Variants in SH3RF2 observed in about 807,000 individuals in gnomAD.
SH3RF2 encodes the protein SH3 domain containing ring finger 2, also known as E3 ubiquitin-protein ligase SH3RF2.
SH3RF2 carries 43 observed loss-of-function variants against 59.0 expected under a neutral mutation model. The observed-to-expected ratio is 0.73, with a 90% CI of 0.57 to 0.94. SH3RF2 has a LOEUF of 0.94. Among genes scored for constraint, SH3RF2 ranks in the 40% least tolerant of loss-of-function variants. The probability of loss-of-function intolerance (pLI) is 0.00; values close to 1 mark genes in which losing one functional copy is unlikely to be tolerated. For synonymous variants in SH3RF2, 391 were observed against 391.5 expected (o/e 1.00, Z 0.01); for missense variants, 930 against 940.1 (o/e 0.99, Z 0.14).
At chr5:146,002,118 A>T (rs10477295) in intron 3 of SH3RF2, among the ~76,000 whole-genome samples, 10,060 of 152,270 alleles carry the variant, frequency 0.066, 1,091 homozygotes, top group African/African-American at 0.23. Context: ...GGCCCTGCAC[A>T]CATGAAGTTT....
At chr5:146,024,213 G>C (rs6580402) in intron 5 of SH3RF2, among the ~76,000 whole-genome samples, 48,962 of 151,992 alleles carry the variant, frequency 0.32, 8,578 homozygotes, top group Non-Finnish European at 0.39. Flanking sequence ...TATGCAGGTT[G>C]CAATTTCCCC....
chr5:145,937,874 G>A lies in SH3RF2; in HGVS notation c.-55G>A, dbSNP rs1203770800. The stretch of plus-strand genomic sequence containing the variant: ...CCAGCTCTGCCCCCGTGGCTCAACT[G>A]ACCCTACCATGTGGACGCTGCTCCT... On this transcript the variant is annotated 5_prime_UTR_variant, in exon 2 of 10. Coordinates refer to ENST00000359120, the MANE Select transcript of SH3RF2 (RefSeq NM_152550.4). 4.5e-6 allele frequency: 7 copies of A among 1,562,904 alleles called. No homozygotes were observed. The highest frequency in any genetic ancestry group is 6.1e-6 in the Non-Finnish European group (7 of 1,156,116).
At chr5:146,050,030 C>A (rs1762441455) in intron 7 of SH3RF2, 1 of 152,266 alleles carries the variant, frequency 6.6e-6, no homozygotes, top group African/African-American at 2.4e-5. Flanking sequence ...GGGAAAGAGC[C>A]CCATTGTATT....
At chr5:146,073,016 C>T (rs1160955775) in intron 9 of SH3RF2, among the ~76,000 whole-genome samples, 2 of 152,148 alleles carry the variant, frequency 1.3e-5, no homozygotes, top group Admixed American at 6.5e-5. Context: ...TCATTATTTA[C>T]ATTCATTTTC....
intron 2 of SH3RF2, among the ~76,000 whole-genome samples, chr5:145,981,987 C>A (rs1404911616): frequency 6.6e-6 from 1 of 152,212 alleles, no homozygotes; most frequent in Non-Finnish European, 1.5e-5. Flanking sequence ...GTCTATATTG[C>A]AGGCTTACAT....
chr5:145,962,916 G>A (rs1190091709), intron 2 of SH3RF2, among the ~76,000 whole-genome samples: 1 of 86,688 alleles, frequency 1.2e-5, no homozygotes, highest in Non-Finnish European at 1.9e-5. Flanking sequence ...TTTTTTTTTA[G>A]AGACGGAGTC....
intron 2 of SH3RF2, among the ~76,000 whole-genome samples, chr5:145,961,191 T>C (rs1370910167): frequency 6.8e-6 from 1 of 147,798 alleles, no homozygotes; most frequent in Non-Finnish European, 1.5e-5. Context: ...TTTTTTTTTT[T>C]TTTTTTTGCC....
intron 2 of SH3RF2, among the ~76,000 whole-genome samples, chr5:145,950,899 G>A (rs1280682286): frequency 6.6e-6 from 1 of 152,186 alleles, no homozygotes; most frequent in African/African-American, 2.4e-5. Flanking sequence ...TCCTGTCTTA[G>A]CTGAAAACCA....
intron 2 of SH3RF2, among the ~76,000 whole-genome samples, chr5:145,955,127 TCAGTAA>T (rs1758343099): frequency 6.6e-6 from 1 of 152,052 alleles, no homozygotes; most frequent in South Asian, 2.1e-4. Context: ...ACAAACTATA[TCAGTAA>T]CGAAGGGGGT....
chr5:145,949,386 T>C (rs893825684), intron 2 of SH3RF2, among the ~76,000 whole-genome samples: 2 of 152,334 alleles, frequency 1.3e-5, no homozygotes, highest in Admixed American at 1.3e-4. Context: ...AGAGCAGGAA[T>C]AGAACTCTGC....
intron 5 of SH3RF2, among the ~76,000 whole-genome samples, chr5:146,025,324 T>C (rs1341633509): frequency 6.6e-6 from 1 of 152,264 alleles, no homozygotes; most frequent in Non-Finnish European, 1.5e-5. Context: ...CACTGCCAGC[T>C]GGGCTAATCT....
intron 2 of SH3RF2, among the ~76,000 whole-genome samples, chr5:145,945,760 T>G (rs1757985886): frequency 6.6e-6 from 1 of 152,138 alleles, no homozygotes; most frequent in Non-Finnish European, 1.5e-5. Context: ...AAGACGCATG[T>G]CAAGCATTCT....
At chr5:146,010,156 G>A (rs1423767979) in intron 4 of SH3RF2, among the ~76,000 whole-genome samples, 2 of 151,890 alleles carry the variant, frequency 1.3e-5, no homozygotes, top group Non-Finnish European at 1.5e-5. Context: ...GCGATAGTTT[G>A]CTGAGAATGA....
At chr5:146,051,213 G>T (rs1004801284) in intron 7 of SH3RF2, among the ~76,000 whole-genome samples, 2 of 152,174 alleles carry the variant, frequency 1.3e-5, no homozygotes, top group African/African-American at 4.8e-5. Context: ...AAGCAAGGGG[G>T]ATATTAGAAA....
intron 3 of SH3RF2, 75 bp from the exon 4 acceptor site, chr5:146,003,983 C>T: frequency 7.8e-7 from 1 of 1,279,530 alleles, no homozygotes; most frequent in Non-Finnish European, 1.1e-6. Flanking sequence ...TCTGAGACTC[C>T]AAACTGATCT....
At chr5:146,013,142 T>C (rs1351404891) in intron 4 of SH3RF2, among the ~76,000 whole-genome samples, 2 of 152,174 alleles carry the variant, frequency 1.3e-5, no homozygotes, top group Non-Finnish European at 2.9e-5. Flanking sequence ...ACTTATGAAA[T>C]GTATAAACTT....
Position 146,004,084 on chromosome 5 carries a change from A to T in SH3RF2, c.675A>T (p.Arg225=). The change falls in exon 4 of 10, where the codon CGA becomes CGT. Residue 225 remains arginine, a synonymous_variant. Coordinates refer to ENST00000359120, the MANE Select transcript of SH3RF2 (RefSeq NM_152550.4). The part of the protein sequence containing the change: ...LKDDIITVIS[R]VDENWAEGKL... Reference sequence around the variant, plus strand: ...ACGATATCATCACTGTGATCAGCCGAGTGGATGAGAACTGGGCAGAAGGCA... The same window carrying T: ...ACGATATCATCACTGTGATCAGCCGTGTGGATGAGAACTGGGCAGAAGGCA... The T allele has an allele frequency of 6.2e-7, 1 of 1,613,024 alleles. No homozygotes were observed. Among genetic ancestry groups the T allele is most frequent in the South Asian group, 1.1e-5 (1 of 91,036 alleles).
intron 5 of SH3RF2, among the ~76,000 whole-genome samples, chr5:146,036,332 G>A (rs6898385): frequency 0.33 from 50,248 of 152,070 alleles, 8,824 homozygotes; most frequent in Non-Finnish European, 0.39. Flanking sequence ...CAGGAGGATC[G>A]CTTGAGCTCA....
At chr5:145,940,864 A>G (rs1485835328) in intron 2 of SH3RF2, among the ~76,000 whole-genome samples, 7 of 152,208 alleles carry the variant, frequency 4.6e-5, no homozygotes, top group Admixed American at 4.6e-4. Context: ...GCCTTAGATG[A>G]AAGACATTTG....
Sources: gnomAD v4.1 joint callset for allele counts (sites outside exome capture counted in the v4.1 genomes callset) on GRCh38, gnomAD v4.1.1 for gene constraint, MANE v1.5 for transcripts, NCBI Gene and HGNC (gene_info 2026-07-23, HGNC 2026-07-21) for gene names.